The following TACC2 variants were observed in gnomAD, a reference collection of about 807,000 sequenced individuals.
TACC2 encodes the protein transforming acidic coiled-coil containing protein 2.
TACC2 carries 137 observed loss-of-function variants against 227.3 expected under a neutral mutation model. The ratio of observed to expected loss-of-function variants is 0.60; its 90% CI spans 0.52 to 0.69. TACC2 has a LOEUF of 0.69. Among genes scored for constraint, TACC2 ranks in the 30% least tolerant of loss-of-function variants. The pLI, the probability that TACC2 is intolerant of heterozygous loss-of-function variation, is 0.00. For synonymous variants in TACC2, 1,523 were observed against 1,487.5 expected (o/e 1.02, Z -0.55); for missense variants, 3,470 against 3,694.4 (o/e 0.94, Z 1.57).
intron 3 of TACC2, among the ~76,000 whole-genome samples, chr10:122,072,916 A>G (rs535264992): frequency 9.9e-5 from 15 of 151,922 alleles, no homozygotes; most frequent in Admixed American, 9.8e-4. Flanking sequence ...GATGGAGACC[A>G]TCCTAGCCAA....
intron 6 of TACC2, among the ~76,000 whole-genome samples, chr10:122,142,065 A>G (rs561006611): frequency 2.6e-5 from 4 of 152,346 alleles, no homozygotes; most frequent in African/African-American, 9.6e-5. Context: ...TTGACAAAGG[A>G]GGCCAGTCAC....
At chr10:122,132,503 C>T (rs572473833) in intron 5 of TACC2, 106 bp from the exon 6 acceptor site, 16 of 1,340,668 alleles carry the variant, frequency 1.2e-5, no homozygotes, top group East Asian at 4.6e-5. Flanking sequence ...GAGCGGAGAT[C>T]GCGCCATTGC....
At chr10:122,230,275 A>G in intron 15 of TACC2, 76 bp from the exon 16 acceptor site, 2 of 1,296,030 alleles carry the variant, frequency 1.5e-6, no homozygotes, top group Non-Finnish European at 2.2e-6. Flanking sequence ...TGGCACGTTC[A>G]TTTCTCGGAT....
rs184722338 is a variant in TACC2, at chr10:122,101,628, C to T, written c.5573+13037C>T. 8.8e-3 allele frequency among the ~76,000 whole-genome samples: 1,141 copies of T among 130,086 alleles called. 18 individuals carry two copies. Among genetic ancestry groups the T allele is most frequent in the African/African-American group, 0.032 (1,084 of 34,334 alleles). The allele number at this position is 130,086 out of a possible 152,430, so 85.3% of individuals were successfully genotyped here. A position where few individuals can be genotyped will look rare whatever the true frequency, so the allele number is the denominator to read the frequency against. On this transcript the variant is annotated intron_variant, in intron 5 of 22. Transcript: ENST00000369005. ...AGGCTGGAGTGCAGTGGTGTGATCT[C>T]GGCTCACTGCAAGCTCCGCCTCCTG...
intron 7 of TACC2, among the ~76,000 whole-genome samples, chr10:122,162,210 C>T (rs2092859489): frequency 6.6e-6 from 1 of 152,206 alleles, no homozygotes; most frequent in African/African-American, 2.4e-5. Context: ...CTGTTTGACA[C>T]TGATACTGAA....
At chr10:122,213,235 G>A in intron 9 of TACC2, 2 of 1,158,906 alleles carry the variant, frequency 1.7e-6, no homozygotes, top group Non-Finnish European at 2.5e-6. Flanking sequence ...TTGCCCTACA[G>A]CGGTGGCCGC....
chr10:122,229,431 A>G lies in TACC2; in HGVS notation c.7982A>G (p.Tyr2661Cys), dbSNP rs1279203734. 19 of 1,613,664 alleles carry G rather than the reference A, an allele frequency of 1.2e-5. No homozygotes were observed. The highest frequency in any genetic ancestry group is 1.7e-5 in the Admixed American group (1 of 59,960). ...GTCTCTCTCTGTGGTGCACTTGACT[A>G]TCTGGAGCCCGACTTAGCAGAAAAG... is the stretch of plus-strand genomic sequence containing the variant. Reference protein sequence around the residue: ...HPVSLCGALDYLEPDLAEKNP... With the variant: ...HPVSLCGALDCLEPDLAEKNP... Residue 2661 changes from tyrosine to cysteine, a missense_variant, in exon 15 of 23, where the codon TAT (tyrosine) becomes TGT (cysteine). Transcript: ENST00000369005.
intron 1 of TACC2, among the ~76,000 whole-genome samples, chr10:122,008,265 T>TTATTATTTA (rs1342584652): frequency 1.0e-4 from 1 of 9,720 alleles, no homozygotes; most frequent in African/African-American, 3.2e-4. Context: ...ATTATTATTA[T>TTATTATTTA]TTTTTTTTTT....
In TACC2 at chr10:122,150,660, T is replaced by C. The variant is rs2091943818; in HGVS notation, c.5834+6954T>C. Among the ~76,000 whole-genome samples, 1 of 152,100 alleles carries C rather than the reference T, an allele frequency of 6.6e-6. No homozygotes were observed. The highest frequency in any genetic ancestry group is 2.4e-5 in the African/African-American group (1 of 41,416). On this transcript the variant is annotated intron_variant, in intron 7 of 22. Transcript: ENST00000369005. The surrounding 1 kb of genome is among the most constrained non-coding windows in gnomAD (Gnocchi z 4.0). ...CAGGGCCCAGGGAGGTGGGGTAGGA[T>C]GGGATATGGTACGAGCATGTGCGGC...
intron 13 of TACC2, among the ~76,000 whole-genome samples, chr10:122,227,110 G>A (rs1273005034): frequency 6.6e-6 from 1 of 152,206 alleles, no homozygotes; most frequent in Non-Finnish European, 1.5e-5. Flanking sequence ...CTGTGTGACG[G>A]GGAGAGGGCA....
intron 22 of TACC2, among the ~76,000 whole-genome samples, chr10:122,251,935 G>C (rs542454543): frequency 1.3e-5 from 2 of 152,334 alleles, no homozygotes; most frequent in Admixed American, 1.3e-4. Context: ...GTGATATCTA[G>C]GGGATAGTCC....
At chr10:122,200,170 TG>T (rs2094734627) in intron 8 of TACC2, among the ~76,000 whole-genome samples, 1 of 152,190 alleles carries the variant, frequency 6.6e-6, no homozygotes, top group Non-Finnish European at 1.5e-5. Flanking sequence ...AGGGAACAGG[TG>T]AGACCACTGG....
At chr10:122,011,215 C>T (rs1955883729) in intron 1 of TACC2, among the ~76,000 whole-genome samples, 1 of 150,964 alleles carries the variant, frequency 6.6e-6, no homozygotes, top group Admixed American at 6.7e-5. Context: ...TGACACAGGG[C>T]CAGGTGGAGA....
intron 8 of TACC2, among the ~76,000 whole-genome samples, chr10:122,197,099 A>G (rs2094598657): frequency 1.3e-5 from 2 of 151,634 alleles, no homozygotes; most frequent in Admixed American, 1.3e-4. Context: ...CGTCTCTACT[A>G]AAAATACAGA....
At position 122,211,175 on chromosome 10, in the gene TACC2, C is replaced by T. The variant is rs148585687; in HGVS notation, c.6750C>T (p.Ser2250=). The T allele has an allele frequency of 1.1e-5, 18 of 1,612,090 alleles. No homozygotes were observed. Among genetic ancestry groups the T allele is most frequent in the Middle Eastern group, 1.7e-4 (1 of 6,032 alleles). The stretch of plus-strand genomic sequence containing the variant: ...CAGGGGAGGTAACCCCATCGGATAG[C>T]GGGGGGCAAGAGGACTCTCCAGCCA... ...PEAGEVTPSD[S]GGQEDSPAKG... Residue 2250 remains serine (S), a synonymous_variant, in exon 9 of 23, where the codon AGC becomes AGT. Coordinates refer to ENST00000369005, the MANE Select transcript of TACC2 (RefSeq NM_206862.4).
At chr10:122,166,348 G>A (rs1169870914) in intron 7 of TACC2, among the ~76,000 whole-genome samples, 1 of 152,066 alleles carries the variant, frequency 6.6e-6, no homozygotes, top group Non-Finnish European at 1.5e-5. Context: ...TGCAGGTTTG[G>A]GGTGCCTTTG....
At chr10:122,101,175 GACATTTGTCATAT>G (rs72068461) in intron 5 of TACC2, among the ~76,000 whole-genome samples, 36,512 of 151,902 alleles carry the variant, frequency 0.24, 4,635 homozygotes, top group East Asian at 0.48. Flanking sequence ...TTCATTGTAG[GACATTTGTCATAT>G]TAGTCTCATG....
At chr10:122,107,878 A>ATTTTTTTT (rs1204393563) in intron 5 of TACC2, among the ~76,000 whole-genome samples, 1 of 88,450 alleles carries the variant, frequency 1.1e-5, no homozygotes, top group Non-Finnish European at 2.1e-5. Context: ...ATATATATAT[A>ATTTTTTTT]TATTTTTTTT....
At chr10:122,183,844 G>C (rs1435149878) in intron 7 of TACC2, among the ~76,000 whole-genome samples, 2 of 152,188 alleles carry the variant, frequency 1.3e-5, no homozygotes, top group African/African-American at 4.8e-5. Context: ...GTGGTTCTGA[G>C]CTCTCAGGCA....
Sources: allele counts gnomAD v4.1 joint callset (sites outside exome capture counted in the v4.1 genomes callset), GRCh38; gene constraint gnomAD v4.1.1; non-coding constraint Gnocchi (gnomAD v3.1); transcripts MANE v1.5; gene names NCBI Gene and HGNC (gene_info 2026-07-23, HGNC 2026-07-21).